The following PLS1 variants were observed in gnomAD, a reference collection of about 807,000 sequenced individuals.
PLS1 encodes the protein plastin 1, also known as plastin-1.
A neutral mutation model predicts 73.7 loss-of-function variants in PLS1; 32 were observed. The ratio of observed to expected loss-of-function variants is 0.43; its 90% CI spans 0.33 to 0.58. PLS1 has a LOEUF of 0.58. Among genes scored for constraint, PLS1 ranks in the 20% least tolerant of loss-of-function variants. The pLI is 0.04. For synonymous variants in PLS1, 217 were observed against 261.3 expected (o/e 0.83, Z 1.63); for missense variants, 633 against 740.5 (o/e 0.85, Z 1.68).
At position 142,704,505 on chromosome 3, in the gene PLS1, A is replaced by T. The variant is rs760236991; in HGVS notation, c.1548A>T (p.Lys516Asn). Residue 516 changes from lysine (K) to asparagine (N), a missense_variant, in exon 14 of 16, where the codon AAA becomes AAT. By Grantham distance (94) the Lys-to-Asn change is moderately conservative (BLOSUM62 0). Coordinates refer to ENST00000457734, the MANE Select transcript of PLS1 (RefSeq NM_001145319.2). ...TATCGGATCTTGGAGAGGGTGAAAAAGTAAATGATGAAATTATAATTAAAT... is the reference window on the plus strand; with the variant it reads ...TATCGGATCTTGGAGAGGGTGAAAATGTAAATGATGAAATTATAATTAAAT... Reference protein sequence around the residue: ...NVLSDLGEGEKVNDEIIIKWV... With the variant: ...NVLSDLGEGENVNDEIIIKWV... 6.3e-7 allele frequency: 1 copy of T among 1,598,514 alleles called. No individual in the cohort carries two copies.
intron 14 of PLS1, among the ~76,000 whole-genome samples, chr3:142,705,702 T>C (rs1178339041): frequency 6.6e-6 from 1 of 152,232 alleles, no homozygotes; most frequent in Non-Finnish European, 1.5e-5. Flanking sequence ...TTGCCTTCGC[T>C]CTATATGCTT....
intron 1 of PLS1, among the ~76,000 whole-genome samples, chr3:142,626,255 C>T (rs2108572039): frequency 6.6e-6 from 1 of 152,250 alleles, no homozygotes; most frequent in South Asian, 2.1e-4. Context: ...AAGCGAGCAT[C>T]TTAGCAAACA....
intron 1 of PLS1, among the ~76,000 whole-genome samples, chr3:142,659,739 CA>C (rs1300499984): frequency 6.6e-6 from 1 of 151,104 alleles, no homozygotes; most frequent in Non-Finnish European, 1.5e-5. Flanking sequence ...TCTTGTTGCC[CA>C]GACTGGAGTG....
At chr3:142,681,900 ATTACT>A (rs1158534096) in intron 6 of PLS1, among the ~76,000 whole-genome samples, 13 of 152,174 alleles carry the variant, frequency 8.5e-5, no homozygotes, top group Non-Finnish European at 8.8e-5. Context: ...TTAAAGCCAA[ATTACT>A]TTAAGACATT....
At chr3:142,692,099 GGAA>G (rs1403765282) in intron 10 of PLS1, among the ~76,000 whole-genome samples, 1 of 151,994 alleles carries the variant, frequency 6.6e-6, no homozygotes, top group Non-Finnish European at 1.5e-5. Context: ...GATCATGAAT[GGAA>G]GAATACAGTA....
chr3:142,657,215 G>A (rs1039364495), intron 1 of PLS1: 9 of 152,216 alleles, frequency 5.9e-5, no homozygotes, highest in African/African-American at 2.2e-4. Context: ...TCCTAGGGCA[G>A]CAAGCAGCAG....
chr3:142,637,452 T>C (rs2036718893), intron 1 of PLS1, among the ~76,000 whole-genome samples: 1 of 152,198 alleles, frequency 6.6e-6, no homozygotes, highest in African/African-American at 2.4e-5. Context: ...ACTTTCTTAA[T>C]AGTGACAGTT....
At chr3:142,623,395 A>T (rs1379558104) in intron 1 of PLS1, 1 of 152,156 alleles carries the variant, frequency 6.6e-6, no homozygotes, top group East Asian at 1.9e-4. Context: ...CATCAAGATT[A>T]ATATCTGTAG....
At chr3:142,658,208 C>T (rs961420567) in intron 1 of PLS1, among the ~76,000 whole-genome samples, 1 of 152,166 alleles carries the variant, frequency 6.6e-6, no homozygotes, top group African/African-American at 2.4e-5. Flanking sequence ...GACATTGGCT[C>T]ATGCCTGTAA....
chr3:142,648,749 A>G (rs1206519252), intron 1 of PLS1, among the ~76,000 whole-genome samples: 3 of 152,180 alleles, frequency 2.0e-5, no homozygotes. Flanking sequence ...GAGAGTTTTT[A>G]ATTTCTTCAG....
intron 1 of PLS1, among the ~76,000 whole-genome samples, chr3:142,621,622 T>C (rs527973400): frequency 2.0e-5 from 3 of 152,296 alleles, no homozygotes; most frequent in East Asian, 3.9e-4. Flanking sequence ...AGAAGAAAGA[T>C]TGAAAATTTA....
intron 2 of PLS1, among the ~76,000 whole-genome samples, chr3:142,667,527 TAAGTC>T (rs1475136947): frequency 4.6e-5 from 7 of 152,176 alleles, no homozygotes; most frequent in Admixed American, 4.6e-4. Flanking sequence ...TTTCATGAGA[TAAGTC>T]AAGTTCTTAA....
chr3:142,650,052 A>G (rs2108635061), intron 1 of PLS1, among the ~76,000 whole-genome samples: 1 of 152,144 alleles, frequency 6.6e-6, no homozygotes, highest in Middle Eastern at 3.4e-3. Flanking sequence ...AGCAATAGAA[A>G]CCCAGTTTAA....
rs2037564472 is a variant in PLS1 at position 142,669,697 on chromosome 3, C to G, written c.234+144C>G. On this transcript the variant is annotated intron_variant, in intron 3 of 15. Transcript: ENST00000457734. Reference sequence around the variant, plus strand: ...ATGATGATGATGATGATGACAATAACTATTATTATCGAAATAATTTCCACA... The same window carrying G: ...ATGATGATGATGATGATGACAATAAGTATTATTATCGAAATAATTTCCACA... The G allele has an allele frequency of 1.1e-5, 6 of 544,028 alleles. No individual in the cohort carries two copies. The Admixed American group carries it at 1.7e-4, about 15-fold the overall frequency. 33.7% of individuals were successfully genotyped at this position (544,028 alleles called of 1,614,324 possible). A position where few individuals can be genotyped will look rare whatever the true frequency, so the allele number is the denominator to read the frequency against.
intron 11 of PLS1, among the ~76,000 whole-genome samples, chr3:142,696,823 A>G (rs1278189602): frequency 1.3e-5 from 2 of 151,610 alleles, no homozygotes; most frequent in East Asian, 1.9e-4. Context: ...CATGAAACAT[A>G]AGATTCCAGA....
At chr3:142,659,814 A>G (rs1340642717) in intron 1 of PLS1, among the ~76,000 whole-genome samples, 1 of 151,992 alleles carries the variant, frequency 6.6e-6, no homozygotes, top group African/African-American at 2.4e-5. Flanking sequence ...TTCCTGCCTC[A>G]GCCTCCTGAA....
chr3:142,689,454 A>G (rs900069161), intron 9 of PLS1, among the ~76,000 whole-genome samples, 164 bp from the exon 10 acceptor site: 2 of 151,800 alleles, frequency 1.3e-5, no homozygotes, highest in African/African-American at 2.4e-5. Context: ...AAATAAATAA[A>G]TAAAGGAATG....
intron 1 of PLS1, among the ~76,000 whole-genome samples, chr3:142,626,733 T>G (rs2036438168): frequency 6.6e-6 from 1 of 152,216 alleles, no homozygotes; most frequent in African/African-American, 2.4e-5. Context: ...TTCTACTGTT[T>G]TCTTATGCTT....
At chr3:142,695,827 T>G (rs2038186192) in intron 11 of PLS1, among the ~76,000 whole-genome samples, 1 of 151,794 alleles carries the variant, frequency 6.6e-6, no homozygotes, top group Non-Finnish European at 1.5e-5. Context: ...GGAGTTTCAC[T>G]CTTGTTGCCC....
Sources: allele counts gnomAD v4.1 joint callset (sites outside exome capture counted in the v4.1 genomes callset), GRCh38; gene constraint gnomAD v4.1.1; transcripts MANE v1.5; gene names NCBI Gene and HGNC (gene_info 2026-07-23, HGNC 2026-07-21).